The following CWF19L1 variants were observed in gnomAD, a reference collection of about 807,000 sequenced individuals.
The protein encoded by CWF19L1 is CWF19-like protein 1.
CWF19L1 carries 60 observed loss-of-function variants against 69.7 expected under a neutral mutation model. The observed-to-expected ratio is 0.86, with a 90% confidence interval of 0.70 to 1.07. CWF19L1 has a LOEUF of 1.07. Ranked by LOEUF, CWF19L1 falls within the 50% of genes least tolerant of loss-of-function variation. The pLI, the probability that CWF19L1 is intolerant of heterozygous loss-of-function variation, is 0.00. For synonymous variants in CWF19L1, 209 were observed against 222.2 expected (o/e 0.94, Z 0.53); for missense variants, 591 against 638.9 (o/e 0.92, Z 0.81).
intron 8 of CWF19L1, among the ~76,000 whole-genome samples, 193 bp downstream of exon 8, chr10:100,246,602 C>T (rs1169314019): frequency 6.6e-6 from 1 of 152,162 alleles, no homozygotes; most frequent in Non-Finnish European, 1.5e-5. Flanking sequence ...CCTAATGTAT[C>T]AAACTGTTAA....
intron 13 of CWF19L1, among the ~76,000 whole-genome samples, chr10:100,235,172 A>C (rs995109828): frequency 2.0e-5 from 3 of 152,202 alleles, no homozygotes; most frequent in African/African-American, 7.2e-5. Flanking sequence ...CATCGTTGTG[A>C]AAAGTCTACC....
chr10:100,250,532 G>T (rs1380194187), intron 6 of CWF19L1, among the ~76,000 whole-genome samples, 200 bp from the exon 7 acceptor site: 1 of 152,208 alleles, frequency 6.6e-6, no homozygotes, highest in African/African-American at 2.4e-5. Context: ...TTTAGGAAGA[G>T]ATGAGATTAT....
chr10:100,233,115 T>C lies in CWF19L1; in HGVS notation c.*112A>G. 2 of 1,143,104 alleles carry C rather than the reference T, an allele frequency of 1.7e-6. No individual in the cohort carries two copies. The highest frequency in any genetic ancestry group is 2.4e-6 in the Non-Finnish European group (2 of 832,498). 70.8% of individuals were successfully genotyped at this position (1,143,104 alleles called of 1,614,324 possible). Reference sequence around the variant, plus strand: ...GTGAGCCACAGTTATGCCACTGCAATCCTGCTTGGGTGACAGAGCGAGACT... The same window carrying C: ...GTGAGCCACAGTTATGCCACTGCAACCCTGCTTGGGTGACAGAGCGAGACT... On this transcript the variant is annotated 3_prime_UTR_variant, in exon 14 of 14. Transcript: ENST00000354105.
intron 1 of CWF19L1, among the ~76,000 whole-genome samples, chr10:100,267,103 G>T (rs1300930259): frequency 7.1e-6 from 1 of 140,684 alleles, no homozygotes; most frequent in African/African-American, 2.7e-5. Context: ...AATACTTGCT[G>T]CATGAAGCCC....
chr10:100,248,853 G>A, intron 7 of CWF19L1: 1 of 1,130,724 alleles, frequency 8.8e-7, no homozygotes, highest in Middle Eastern at 2.1e-4. Flanking sequence ...CCAGATTTGT[G>A]GCAGAAAAGG....
chr10:100,236,587 T>C (rs1290421415), intron 12 of CWF19L1, among the ~76,000 whole-genome samples: 3 of 152,090 alleles, frequency 2.0e-5, no homozygotes, highest in Admixed American at 1.3e-4. Flanking sequence ...CTGGCCAATA[T>C]GGTGAAACCC....
At chr10:100,245,304 G>GC (rs60746455) in intron 9 of CWF19L1, among the ~76,000 whole-genome samples, 7,421 of 152,192 alleles carry the variant, frequency 0.049, 602 homozygotes, top group African/African-American at 0.17. Flanking sequence ...ACAGGCATGA[G>GC]CCCCCACACC....
At chr10:100,254,816 C>G (rs1290703680) in intron 5 of CWF19L1, among the ~76,000 whole-genome samples, 2 of 152,164 alleles carry the variant, frequency 1.3e-5, no homozygotes, top group Admixed American at 1.3e-4. Flanking sequence ...CAGCCCTTCT[C>G]TCGATCTTCC....
chr10:100,266,839 G>GTTTGTTTTGTTTTGT (rs68024399), intron 1 of CWF19L1, among the ~76,000 whole-genome samples: 1 of 148,188 alleles, frequency 6.7e-6, no homozygotes, highest in Non-Finnish European at 1.5e-5. Context: ...ATTGTTTTTT[G>GTTTGTTTTGTTTTGT]TTTGTTTTGT....
chr10:100,245,943 G>T (rs758117886), intron 8 of CWF19L1, 30 bp from the exon 9 acceptor site: 1 of 1,503,454 alleles, frequency 6.7e-7, no homozygotes. Context: ...AAGATTAAAT[G>T]TTATTCAACT....
At chr10:100,235,625 A>G (rs1846407406) in intron 13 of CWF19L1, 42 bp downstream of exon 13, 1 of 1,364,998 alleles carries the variant, frequency 7.3e-7, no homozygotes, top group South Asian at 1.2e-5. Flanking sequence ...CTCTGTTCAT[A>G]GCAGGTCTAG....
intron 10 of CWF19L1, among the ~76,000 whole-genome samples, chr10:100,242,125 GAC>G (rs747100976): frequency 3.9e-5 from 6 of 152,086 alleles, no homozygotes; most frequent in African/African-American, 9.7e-5. Context: ...TTTCCCATGA[GAC>G]ACACACATTC....
intron 1 of CWF19L1, among the ~76,000 whole-genome samples, chr10:100,264,895 A>C (rs374940584): frequency 1.3e-5 from 2 of 152,156 alleles, no homozygotes. Context: ...CTGAGGCAGG[A>C]GGGTAACTTG....
Position 100,233,007 on chromosome 10 carries a change from G to A in CWF19L1, c.*220C>T. The stretch of plus-strand genomic sequence containing the variant: ...ATAAAAAATCAAAAAAGTTTGCCAG[G>A]CATGGTAGCATGCGCCTGTGGTCCC... On this transcript the variant is annotated 3_prime_UTR_variant, in exon 14 of 14. Transcript: ENST00000354105. 2.9e-6 allele frequency: 1 copy of A among 349,760 alleles called. No individual in the cohort carries two copies. The highest frequency in any genetic ancestry group is 5.1e-6 in the Non-Finnish European group (1 of 196,404). The allele number at this position is 349,760 out of a possible 1,614,324, so 21.7% of individuals were successfully genotyped here.
chr10:100,247,048 A>G (rs1427943679), intron 7 of CWF19L1, 113 bp from the exon 8 acceptor site: 3 of 982,706 alleles, frequency 3.1e-6, no homozygotes, highest in Non-Finnish European at 4.3e-6. Context: ...AGTAAAATTA[A>G]AAGAACAGCA....
At chr10:100,256,834 A>G (rs1014994456) in intron 4 of CWF19L1, among the ~76,000 whole-genome samples, 2 of 152,214 alleles carry the variant, frequency 1.3e-5, no homozygotes, top group African/African-American at 2.4e-5. Flanking sequence ...ACATCTGGAC[A>G]CAGGAAAAGG....
At chr10:100,260,531 T>A (rs564565260) in intron 3 of CWF19L1, among the ~76,000 whole-genome samples, 35 of 152,026 alleles carry the variant, frequency 2.3e-4, no homozygotes, top group East Asian at 1.7e-3. Flanking sequence ...TATTTTATTT[T>A]TTTTTTTTTG....
At chr10:100,266,345 A>C (rs887143801) in intron 1 of CWF19L1, among the ~76,000 whole-genome samples, 3 of 143,792 alleles carry the variant, frequency 2.1e-5, no homozygotes, top group Non-Finnish European at 4.6e-5. Context: ...CGCCCGGCTA[A>C]TTTTTTTTTT....
intron 4 of CWF19L1, among the ~76,000 whole-genome samples, chr10:100,258,999 G>A (rs1211055325): frequency 6.6e-6 from 1 of 151,144 alleles, no homozygotes; most frequent in Non-Finnish European, 1.5e-5. Flanking sequence ...TCAGGAGATC[G>A]AGACCATCCT....
Sources: gnomAD v4.1 joint callset for allele counts (sites outside exome capture counted in the v4.1 genomes callset) on GRCh38, gnomAD v4.1.1 for gene constraint, MANE v1.5 for transcripts, NCBI Gene and HGNC (gene_info 2026-07-23, HGNC 2026-07-21) for gene names.